The following CNTN5 variants were observed in gnomAD, a reference collection of about 807,000 sequenced individuals.
CNTN5 encodes the protein contactin-5.
CNTN5 carries 77 observed loss-of-function variants against 129.1 expected under a neutral mutation model. That is an observed-to-expected ratio of 0.60 (90% CI 0.50 to 0.72). CNTN5 has a LOEUF of 0.72. Ranked by LOEUF, CNTN5 falls within the 30% of genes least tolerant of loss-of-function variation. The probability of loss-of-function intolerance (pLI) is 0.00; values close to 1 mark genes in which losing one functional copy is unlikely to be tolerated. For synonymous variants in CNTN5, 509 were observed against 465.6 expected (o/e 1.09, Z -1.20); for missense variants, 1,478 against 1,328.8 (o/e 1.11, Z -1.75).
chr11:99,033,564 CTG>C (rs1863520735), intron 1 of CNTN5, among the ~76,000 whole-genome samples: 1 of 152,032 alleles, frequency 6.6e-6, no homozygotes, highest in African/African-American at 2.4e-5. Context: ...AATTGGCTCT[CTG>C]TTTGTCTGTT....
intron 23 of CNTN5, among the ~76,000 whole-genome samples, 165 bp from the exon 24 acceptor site, chr11:100,350,537 T>C (rs980533815): frequency 2.6e-5 from 4 of 151,780 alleles, no homozygotes; most frequent in African/African-American, 7.2e-5. Context: ...CATGGCCCTT[T>C]TGTGTACTTC....
chr11:99,962,793 A>G (rs900366988), intron 8 of CNTN5, among the ~76,000 whole-genome samples: 2 of 151,650 alleles, frequency 1.3e-5, no homozygotes, highest in African/African-American at 2.4e-5. Context: ...AAGTGTTCCT[A>G]TTTCTCCACA....
At chr11:99,509,986 C>T (rs1196471173) in intron 2 of CNTN5, among the ~76,000 whole-genome samples, 7 of 151,504 alleles carry the variant, frequency 4.6e-5, no homozygotes, top group Non-Finnish European at 8.8e-5. Flanking sequence ...CGCTTAATCT[C>T]TCTTTGCCTC....
At chr11:100,072,490 A>G (rs1943960559) in intron 12 of CNTN5, among the ~76,000 whole-genome samples, 1 of 152,092 alleles carries the variant, frequency 6.6e-6, no homozygotes, top group Non-Finnish European at 1.5e-5. Flanking sequence ...ATTGGAATGA[A>G]TTTTACTTTT....
chr11:99,741,010 A>T (rs549395321), intron 3 of CNTN5, among the ~76,000 whole-genome samples: 4 of 152,284 alleles, frequency 2.6e-5, no homozygotes, highest in African/African-American at 9.6e-5. Flanking sequence ...TTGCATCTTG[A>T]ATCCCACATT....
chr11:99,585,621 T>C (rs1949768627), intron 3 of CNTN5, among the ~76,000 whole-genome samples: 1 of 152,166 alleles, frequency 6.6e-6, no homozygotes, highest in African/African-American at 2.4e-5. Context: ...TAGATATAAC[T>C]CACCTAAACA....
chr11:99,824,649 A>C (rs1383310883), intron 4 of CNTN5, among the ~76,000 whole-genome samples: 1 of 151,936 alleles, frequency 6.6e-6, no homozygotes, highest in Non-Finnish European at 1.5e-5. Context: ...CATGTCCTAA[A>C]AAAAACCCTT....
rs77795699 is a variant in CNTN5, at chr11:99,252,365, C to A, written c.-209-72981C>A. On this transcript the variant is annotated intron_variant, in intron 1 of 24. Coordinates refer to ENST00000524871, the MANE Select transcript of CNTN5 (RefSeq NM_014361.4). ...CACAAACAAAAAACACACAAAAAAA[C>A]CCCAAAATCACATCTCCAAATTAAT... 6.2e-3 allele frequency among the ~76,000 whole-genome samples: 944 copies of A among 151,872 alleles called. 8 individuals carry two copies. The highest frequency in any genetic ancestry group is 0.017 in the African/African-American group (720 of 41,454).
intron 3 of CNTN5, among the ~76,000 whole-genome samples, chr11:99,583,044 T>C (rs1949666570): frequency 6.6e-6 from 1 of 152,380 alleles, no homozygotes; most frequent in Non-Finnish European, 1.5e-5. Context: ...CTTCTAACAG[T>C]CAGGACTCTC....
At chr11:99,426,789 T>C (rs1369483038) in intron 2 of CNTN5, among the ~76,000 whole-genome samples, 1 of 152,186 alleles carries the variant, frequency 6.6e-6, no homozygotes, top group Admixed American at 6.5e-5. Context: ...ATTATTTTGA[T>C]TGTCATATTC....
At chr11:99,625,411 A>C (rs544750005) in intron 3 of CNTN5, among the ~76,000 whole-genome samples, 9 of 152,306 alleles carry the variant, frequency 5.9e-5, no homozygotes, top group African/African-American at 2.2e-4. Context: ...CAGTAACATA[A>C]TTCTTTCCCC....
intron 13 of CNTN5, among the ~76,000 whole-genome samples, chr11:100,119,436 C>T (rs1945943800): frequency 6.6e-6 from 1 of 151,856 alleles, no homozygotes; most frequent in Non-Finnish European, 1.5e-5. Context: ...AACTTCTCTT[C>T]ACCAGCAACC....
At chr11:100,114,374 T>C (rs1451981931) in intron 13 of CNTN5, among the ~76,000 whole-genome samples, 1 of 152,154 alleles carries the variant, frequency 6.6e-6, no homozygotes, top group Non-Finnish European at 1.5e-5. Flanking sequence ...TATTCCAAAG[T>C]GTCAGTTTTA....
Position 99,293,554 on chromosome 11 carries a change from T to C in CNTN5, c.-209-31792T>C, listed in dbSNP as rs552139511. On this transcript the variant is annotated intron_variant, in intron 1 of 24. Transcript: ENST00000524871. ...GCAATACAGCCACTGGGTCCTAGGC[T>C]TTTCTTTGATGGGAGAACTTTTATT... Among the ~76,000 whole-genome samples the C allele has an allele frequency of 2.0e-5, 3 of 152,268 alleles. No individual in the cohort carries two copies. The East Asian group carries it at 5.8e-4, about 29-fold the overall frequency.
intron 1 of CNTN5, among the ~76,000 whole-genome samples, chr11:99,279,061 C>T (rs1461670): frequency 0.15 from 23,280 of 151,734 alleles, 1,923 homozygotes; most frequent in South Asian, 0.25. Flanking sequence ...ACTATAAAAA[C>T]ATATACTTTG....
chr11:99,989,059 T>C (rs1390750495), intron 8 of CNTN5, among the ~76,000 whole-genome samples: 2 of 152,162 alleles, frequency 1.3e-5, no homozygotes, highest in Non-Finnish European at 2.9e-5. Flanking sequence ...GTGAGACATA[T>C]TTCTTTGTTT....
intron 3 of CNTN5, among the ~76,000 whole-genome samples, chr11:99,693,245 A>G (rs982801491): frequency 6.6e-6 from 1 of 152,160 alleles, no homozygotes; most frequent in Non-Finnish European, 1.5e-5. Flanking sequence ...TTTAAGGCTC[A>G]TTTTTGGCAT....
At chr11:99,636,372 CT>C (rs34491473) in intron 3 of CNTN5, among the ~76,000 whole-genome samples, 57,924 of 113,852 alleles carry the variant, frequency 0.51, 12,245 homozygotes, top group Non-Finnish European at 0.56. Flanking sequence ...CAAATGAGTT[CT>C]TTTTTTTTTT....
intron 1 of CNTN5, among the ~76,000 whole-genome samples, chr11:99,224,462 A>G (rs1247550343): frequency 2.0e-5 from 3 of 152,064 alleles, no homozygotes; most frequent in African/African-American, 7.2e-5. Flanking sequence ...AGTGGAAATA[A>G]CTGAAGTAAC....
Sources: allele counts gnomAD v4.1 joint callset (sites outside exome capture counted in the v4.1 genomes callset), GRCh38; gene constraint gnomAD v4.1.1; transcripts MANE v1.5; gene names NCBI Gene and HGNC (gene_info 2026-07-23, HGNC 2026-07-21).